GULP1: variants seen among roughly 807,000 people sequenced by gnomAD.
GULP1 encodes PTB domain-containing engulfment adapter protein 1.
GULP1 carries 19 observed loss-of-function variants against 40.9 expected under a neutral mutation model. That is an observed-to-expected ratio of 0.46 (90% CI 0.32 to 0.68). The LOEUF (loss-of-function observed/expected upper bound fraction) is 0.68. Ranked by LOEUF, GULP1 falls within the 30% of genes least tolerant of loss-of-function variation. The pLI, the probability that GULP1 is intolerant of heterozygous loss-of-function variation, is 0.03. For synonymous variants in GULP1, 119 were observed against 117.6 expected (o/e 1.01, Z -0.08); for missense variants, 312 against 362.2 (o/e 0.86, Z 1.12).
At chr2:188,581,288 A>T (rs1337236371) in intron 9 of GULP1, among the ~76,000 whole-genome samples, 1 of 152,038 alleles carries the variant, frequency 6.6e-6, no homozygotes, top group East Asian at 1.9e-4. Flanking sequence ...TCCGAAAAAA[A>T]CCCTCAGGAA....
At chr2:188,433,208 C>T (rs1218312075) in intron 2 of GULP1, among the ~76,000 whole-genome samples, 1 of 152,066 alleles carries the variant, frequency 6.6e-6, no homozygotes, top group Non-Finnish European at 1.5e-5. Context: ...AGCAGAGGTG[C>T]CATAAAACTG....
At chr2:188,526,916 A>T (rs2153231358) in intron 5 of GULP1, among the ~76,000 whole-genome samples, 1 of 152,324 alleles carries the variant, frequency 6.6e-6, no homozygotes, top group Middle Eastern at 3.4e-3. Context: ...AGAAGCTTAG[A>T]TTGCATGAAC....
chr2:188,415,174 C>T (rs1324596453), intron 2 of GULP1, among the ~76,000 whole-genome samples: 2 of 151,984 alleles, frequency 1.3e-5, no homozygotes, highest in African/African-American at 4.8e-5. Context: ...TTCAAAAGTC[C>T]TTTGGATCTT....
At chr2:188,322,512 A>G (rs908049987) in intron 1 of GULP1, among the ~76,000 whole-genome samples, 1 of 152,154 alleles carries the variant, frequency 6.6e-6, no homozygotes, top group Non-Finnish European at 1.5e-5. Flanking sequence ...GCTGGATATA[A>G]TAGTATTCAT....
intron 4 of GULP1, among the ~76,000 whole-genome samples, chr2:188,521,936 C>A (rs1409894609): frequency 6.6e-6 from 1 of 152,056 alleles, no homozygotes; most frequent in Non-Finnish European, 1.5e-5. Context: ...ATGAGCCAGG[C>A]ACAGTGGCGG....
rs77722504 is a variant in GULP1 at position 188,468,748 on chromosome 2, T to G, written c.-44-8911T>G. Among the ~76,000 whole-genome samples, 290 of 152,188 alleles carry G rather than the reference T, an allele frequency of 1.9e-3. 5 individuals carry two copies. In the East Asian group the frequency reaches 0.046, roughly 24 times the overall value. On this transcript the variant is annotated intron_variant, in intron 2 of 11. Coordinates refer to ENST00000409830, the MANE Select transcript of GULP1 (RefSeq NM_016315.4). ...TAGTTGCCAGAAATCTTTCCAAATA[T>G]GATTGAGTAGACTGTCAAATAAAAA... is the stretch of plus-strand genomic sequence containing the variant.
At chr2:188,410,380 G>A (rs2053701963) in intron 2 of GULP1, among the ~76,000 whole-genome samples, 1 of 152,020 alleles carries the variant, frequency 6.6e-6, no homozygotes, top group Admixed American at 6.6e-5. Context: ...GGATAGCCAA[G>A]GAAACAATCA....
rs891950672 is a variant in GULP1, at chr2:188,594,193, A to G, written c.*182A>G. 2.2e-6 allele frequency: 1 copy of G among 444,488 alleles called. No homozygotes were observed. The highest frequency in any genetic ancestry group is 2.0e-5 in the African/African-American group (1 of 50,782). 27.5% of individuals were successfully genotyped at this position (444,488 alleles called of 1,614,324 possible). A position where few individuals can be genotyped will look rare whatever the true frequency, so the allele number is the denominator to read the frequency against. ...TTGATCTGTAATTTTTATTTTAAAA[A>G]CAGCTTACTGTAAAGTAGATCATAC... On this transcript the variant is annotated 3_prime_UTR_variant, in exon 12 of 12. Transcript: ENST00000409830.
At chr2:188,426,281 G>C (rs1424502018) in intron 2 of GULP1, among the ~76,000 whole-genome samples, 1 of 152,098 alleles carries the variant, frequency 6.6e-6, no homozygotes, top group African/African-American at 2.4e-5. Context: ...GTTAAGATAA[G>C]GTAGATAAGA....
intron 4 of GULP1, among the ~76,000 whole-genome samples, chr2:188,517,176 A>G (rs1434007719): frequency 6.6e-6 from 1 of 152,254 alleles, no homozygotes; most frequent in African/African-American, 2.4e-5. Flanking sequence ...TTTGAAGTAT[A>G]TATGCATTGT....
At chr2:188,344,170 C>A (rs1311368995) in intron 1 of GULP1, among the ~76,000 whole-genome samples, 1 of 152,200 alleles carries the variant, frequency 6.6e-6, no homozygotes, top group Non-Finnish European at 1.5e-5. Flanking sequence ...AAATACCTGA[C>A]TAAATTGTGA....
chr2:188,416,589 T>TAAA (rs2054614073), intron 2 of GULP1, among the ~76,000 whole-genome samples: 1 of 152,182 alleles, frequency 6.6e-6, no homozygotes, highest in African/African-American at 2.4e-5. Context: ...TTGTGCTTTT[T>TAAA]AGTCTTGTGA....
intron 1 of GULP1, among the ~76,000 whole-genome samples, chr2:188,296,555 G>A (rs1053799430): frequency 7.2e-6 from 1 of 138,032 alleles, no homozygotes; most frequent in African/African-American, 2.7e-5. Flanking sequence ...AATTAGTTTT[G>A]TCTTTCAGTG....
chr2:188,550,169 T>A (rs1693087308), intron 7 of GULP1, among the ~76,000 whole-genome samples: 1 of 151,738 alleles, frequency 6.6e-6, no homozygotes, highest in Admixed American at 6.6e-5. Context: ...AAATAAAGTT[T>A]ACTTTAAATA....
At chr2:188,544,848 A>G (rs1259231370) in intron 7 of GULP1, among the ~76,000 whole-genome samples, 1 of 152,038 alleles carries the variant, frequency 6.6e-6, no homozygotes, top group Admixed American at 6.6e-5. Context: ...AACTTTCCCG[A>G]TTTGACAAAG....
At chr2:188,551,051 A>G (rs137954364) in intron 7 of GULP1, among the ~76,000 whole-genome samples, 2 of 151,510 alleles carry the variant, frequency 1.3e-5, no homozygotes, top group African/African-American at 4.8e-5. Context: ...CTAGAAAACT[A>G]ATTTTTTAGT....
At chr2:188,395,518 G>A (rs1401299289) in intron 2 of GULP1, among the ~76,000 whole-genome samples, 6 of 152,182 alleles carry the variant, frequency 3.9e-5, no homozygotes, top group Non-Finnish European at 7.3e-5. Flanking sequence ...AGGGCTGCCT[G>A]ACTGTTGGCA....
At chr2:188,541,108 T>C in intron 6 of GULP1, 73 bp from the exon 7 acceptor site, 1 of 1,271,940 alleles carries the variant, frequency 7.9e-7, no homozygotes, top group Non-Finnish European at 1.1e-6. Flanking sequence ...CACATGTTAT[T>C]AACACAAACG....
chr2:188,399,478 G>A (rs1400642453), intron 2 of GULP1, among the ~76,000 whole-genome samples: 1 of 151,898 alleles, frequency 6.6e-6, no homozygotes, highest in African/African-American at 2.4e-5. Context: ...TTAAAGTTCT[G>A]GAACCAAGAC....
Sources: gnomAD v4.1 joint callset for allele counts (sites outside exome capture counted in the v4.1 genomes callset) on GRCh38, gnomAD v4.1.1 for gene constraint, MANE v1.5 for transcripts, NCBI Gene and HGNC (gene_info 2026-07-23, HGNC 2026-07-21) for gene names.